The following SACS variants were observed in gnomAD, a reference collection of about 807,000 sequenced individuals.
SACS encodes the protein sacsin molecular chaperone, also known as sacsin.
In SACS, 197 loss-of-function variants were observed where a neutral mutation model predicts 348.0. The ratio of observed to expected loss-of-function variants is 0.57; its 90% CI spans 0.50 to 0.64. The LOEUF (loss-of-function observed/expected upper bound fraction) is 0.64, where lower values mean the gene tolerates loss of function less well. SACS is among the 30% of genes least tolerant of loss of function. The pLI, the probability that SACS is intolerant of heterozygous loss-of-function variation, is 0.00. For missense variants in SACS, 4,999 were observed against 5,360.8 expected, an observed-to-expected ratio of 0.93 and a Z score of 2.11; for synonymous variants, 1,985 against 1,910.6, an observed-to-expected ratio of 1.04 and a Z score of -1.02.
chr13:23,353,032 C>T (rs1870069790), intron 9 of SACS, among the ~76,000 whole-genome samples: 1 of 152,146 alleles, frequency 6.6e-6, no homozygotes, highest in South Asian at 2.1e-4. Flanking sequence ...AGGACAAACC[C>T]AGAACTTTTC....
intron 2 of SACS, among the ~76,000 whole-genome samples, chr13:23,380,532 TAAC>T (rs1872012106): frequency 1.3e-5 from 2 of 152,108 alleles, no homozygotes; most frequent in African/African-American, 2.4e-5. Context: ...CTAATAATAA[TAAC>T]AACAATAATA....
chr13:23,407,479 G>T (rs1321717959), intron 2 of SACS, among the ~76,000 whole-genome samples: 1 of 152,048 alleles, frequency 6.6e-6, no homozygotes, highest in African/African-American at 2.4e-5. Flanking sequence ...GATTACAGGC[G>T]TGAGCCACCA....
At chr13:23,358,504 A>G (rs758579272) in intron 6 of SACS, 23 bp from the exon 7 acceptor site, 32 of 1,613,608 alleles carry the variant, frequency 2.0e-5, no homozygotes, top group Admixed American at 1.7e-4. Context: ...ATGCGCAGGC[A>G]GGAATTCAAA....
chr13:23,335,577 C>A lies in SACS; in HGVS notation c.8299G>T (p.Gly2767Cys). The A allele has an allele frequency of 6.2e-7, 1 of 1,613,652 alleles. No individual in the cohort carries two copies. The highest frequency in any genetic ancestry group is 8.5e-7 in the Non-Finnish European group (1 of 1,179,860). Reference protein sequence around the residue: ...GALNVLYSVKGKITDGDRLKR... With the variant: ...GALNVLYSVKCKITDGDRLKR... ...AATCTGTCTCCATCTGTGATTTTGCCCTTTACTGAATACAGCACATTTAGA... is the reference window on the plus strand; with the variant it reads ...AATCTGTCTCCATCTGTGATTTTGCACTTTACTGAATACAGCACATTTAGA... Residue 2767 changes from glycine (G) to cysteine (C), a missense_variant, in exon 10 of 10, where the codon GGC becomes TGC. Gly to Cys is a radical substitution (Grantham distance 159). Transcript: ENST00000382292. The surrounding 1 kb of genome is among the most constrained non-coding windows in gnomAD (Gnocchi z 4.7).
intron 1 of SACS, among the ~76,000 whole-genome samples, chr13:23,423,080 G>T (rs556096457): frequency 6.6e-6 from 1 of 152,238 alleles, no homozygotes; most frequent in African/African-American, 2.4e-5. Flanking sequence ...TGAAAATCCA[G>T]CCTTAATAAC....
chr13:23,378,889 G>GAC (rs1168239934), intron 2 of SACS, among the ~76,000 whole-genome samples: 2 of 152,146 alleles, frequency 1.3e-5, no homozygotes, highest in Non-Finnish European at 2.9e-5. Flanking sequence ...ATAAACTTGT[G>GAC]AAACACTCCA....
In SACS at chr13:23,339,108, T is replaced by C. The variant is rs1868948424; in HGVS notation, c.4768A>G (p.Lys1590Glu). The change falls in exon 10 of 10, where the codon AAA becomes GAA. Residue 1590 changes from lysine to glutamate, a missense_variant. By Grantham distance (56) the Lys-to-Glu change is moderately conservative (BLOSUM62 1). Around this residue, in one of 6 missense-constraint regions of SACS, gnomAD observed 3,156 missense variants for 3,380.1 expected, o/e 0.93. Coordinates refer to ENST00000382292, the MANE Select transcript of SACS (RefSeq NM_014363.6). ...MFDPNINHIS[K>E]HIKDKSNPGI... The stretch of plus-strand genomic sequence containing the variant: ...GGATTGGATTTGTCTTTAATGTGTT[T>C]ACTGATATGATTTATGTTTGGATCG... 6.2e-7 allele frequency: 1 copy of C among 1,611,100 alleles called. No individual in the cohort carries two copies. The highest frequency in any genetic ancestry group is 8.5e-7 in the Non-Finnish European group (1 of 1,178,482).
At chr13:23,341,767 G>C in intron 9 of SACS, 77 bp from the exon 10 acceptor site, 16 of 636,318 alleles carry the variant, frequency 2.5e-5, no homozygotes, top group Non-Finnish European at 4.0e-5. Flanking sequence ...AAATAACACA[G>C]TACTGGAAGG....
chr13:23,335,082 G>GT lies in SACS; in HGVS notation c.8793dup (p.Arg2932ThrfsTer7), dbSNP rs767871841. On this transcript the variant is annotated frameshift_variant, in exon 10 of 10. Coordinates refer to ENST00000382292, the MANE Select transcript of SACS (RefSeq NM_014363.6). LOFTEE classifies it high-confidence loss of function. This position sits in a 1 kb window ranked among gnomAD's most constrained non-coding sequence, Gnocchi z 4.7. The stretch of plus-strand genomic sequence containing the variant: ...GTTGGATCAGAACCAGGGAAATACC[G>GT]TTTTTTTAACTGTATTAGCAATTCA... The GT allele has an allele frequency of 1.1e-5, 17 of 1,613,308 alleles. No individual in the cohort carries two copies. The highest frequency in any genetic ancestry group is 4.0e-5 in the African/African-American group (3 of 74,840).
At chr13:23,351,396 G>A (rs1002909059) in intron 9 of SACS, among the ~76,000 whole-genome samples, 4 of 152,092 alleles carry the variant, frequency 2.6e-5, no homozygotes, top group South Asian at 2.1e-4. Flanking sequence ...GGAAGGACCC[G>A]GTGGGAGATA....
At chr13:23,344,094 T>C (rs1479362682) in intron 9 of SACS, among the ~76,000 whole-genome samples, 1 of 152,158 alleles carries the variant, frequency 6.6e-6, no homozygotes, top group Non-Finnish European at 1.5e-5. Flanking sequence ...TTTTACAACA[T>C]TGTTCTTTAA....
chr13:23,378,358 T>C (rs903913857), intron 2 of SACS, among the ~76,000 whole-genome samples: 3 of 152,222 alleles, frequency 2.0e-5, no homozygotes, highest in African/African-American at 7.2e-5. Context: ...GGCCCCCGGA[T>C]AGTGGAGGGA....
chr13:23,400,565 T>C lies in SACS; in HGVS notation c.20+10655A>G, dbSNP rs9580611. 9.6e-3 allele frequency among the ~76,000 whole-genome samples: 1,465 copies of C among 152,190 alleles called. 21 individuals carry two copies. The highest frequency in any genetic ancestry group is 0.033 in the African/African-American group (1,386 of 41,524). The stretch of plus-strand genomic sequence containing the variant: ...CCTCCCGAGTAGCTGGGCCTACAGG[T>C]GCCCGCCACCACACCCGGCTAATTT... On this transcript the variant is annotated intron_variant, in intron 2 of 9. Coordinates refer to ENST00000382292, the MANE Select transcript of SACS (RefSeq NM_014363.6).
chr13:23,338,575 A>G lies in SACS; in HGVS notation c.5301T>C (p.Phe1767=). Residue 1767 remains phenylalanine (F), a synonymous_variant, in exon 10 of 10, where the codon TTT becomes TTC. Transcript: ENST00000382292. ...CAGCAATCCTTCTGAACACATGGTG[A>G]AATTCTTCCACTGTGATCTGAAGAA... The part of the protein sequence containing the change: ...SCILQITVEE[F]HHVFRRIADL... 2 of 1,614,118 alleles carry G rather than the reference A, an allele frequency of 1.2e-6. 1 individual carries two copies. The highest frequency in any genetic ancestry group is 3.3e-4 in the Middle Eastern group (2 of 6,062).
Position 23,333,708 on chromosome 13 carries a change from A to G in SACS, c.10168T>C (p.Tyr3390His), listed in dbSNP as rs1381981417. The part of the protein sequence containing the change: ...VENDFEALLM[Y>H]FNCNLNHLMS... Reference sequence around the variant, plus strand: ...AAATGATTCAAATTGCAGTTGAAATACATCAAAAGTGCCTCAAAATCATTT... The same window carrying G: ...AAATGATTCAAATTGCAGTTGAAATGCATCAAAAGTGCCTCAAAATCATTT... Residue 3390 changes from tyrosine (Y) to histidine (H), a missense_variant, in exon 10 of 10, where the codon TAT (tyrosine) becomes CAT (histidine). Physicochemically the swap from Tyr to His is moderately conservative, Grantham distance 83. This residue lies in a region of SACS where 734 missense variants were observed against 694.0 expected (regional missense o/e 1.06). Coordinates refer to ENST00000382292, the MANE Select transcript of SACS (RefSeq NM_014363.6). 6.2e-7 allele frequency: 1 copy of G among 1,613,688 alleles called. No individual in the cohort carries two copies. The highest frequency in any genetic ancestry group is 1.3e-5 in the African/African-American group (1 of 74,906).
At chr13:23,396,057 T>A (rs1872700232) in intron 2 of SACS, among the ~76,000 whole-genome samples, 1 of 152,112 alleles carries the variant, frequency 6.6e-6, no homozygotes, top group Non-Finnish European at 1.5e-5. Context: ...GGTGCAGTAG[T>A]TCATGCCTGT....
At chr13:23,367,319 T>C (rs1871118196) in intron 5 of SACS, among the ~76,000 whole-genome samples, 1 of 152,172 alleles carries the variant, frequency 6.6e-6, no homozygotes, top group Middle Eastern at 3.2e-3. Flanking sequence ...GACACAACAG[T>C]CCTCAGTGAG....
chr13:23,388,786 C>T (rs1032344135), intron 2 of SACS, among the ~76,000 whole-genome samples: 2 of 151,824 alleles, frequency 1.3e-5, no homozygotes, highest in African/African-American at 4.8e-5. Context: ...GTATAACGTG[C>T]GCTACTCAGG....
At position 23,338,768 on chromosome 13, in the gene SACS, G is replaced by A. The variant is rs1455402670; in HGVS notation, c.5108C>T (p.Thr1703Ile). Residue 1703 changes from threonine to isoleucine, a missense_variant, in exon 10 of 10, where the codon ACC becomes ATC. Thr to Ile is a moderately conservative substitution (Grantham distance 89). This residue lies in a region of SACS where 3,156 missense variants were observed against 3,380.1 expected (regional missense o/e 0.93). Transcript: ENST00000382292. Reference sequence around the variant, plus strand: ...TGTATCTTGTGCTAAACTGGGGTTGGTTTCCTCAATTTTCAAGTACTTCAA... The same window carrying A: ...TGTATCTTGTGCTAAACTGGGGTTGATTTCCTCAATTTTCAAGTACTTCAA... ...MYLKYLKIEE[T>I]NPSLAQDTVI... The A allele has an allele frequency of 1.9e-6, 3 of 1,610,770 alleles. No individual in the cohort carries two copies. Among genetic ancestry groups the A allele is most frequent in the Non-Finnish European group, 2.5e-6 (3 of 1,179,144 alleles).
Sources: allele counts gnomAD v4.1 joint callset (sites outside exome capture counted in the v4.1 genomes callset), GRCh38; gene constraint gnomAD v4.1.1; regional missense constraint gnomAD v4.1.1; non-coding constraint Gnocchi (gnomAD v3.1); transcripts MANE v1.5; gene names NCBI Gene and HGNC (gene_info 2026-07-23, HGNC 2026-07-21).